Variants in CCNB3 observed in about 807,000 individuals in gnomAD.
CCNB3 encodes the protein cyclin B3.
CCNB3 carries 12 observed loss-of-function variants against 68.0 expected under a neutral mutation model. The ratio of observed to expected loss-of-function variants is 0.18; its 90% CI spans 0.11 to 0.29. CCNB3 has a LOEUF of 0.29. Ranked by LOEUF, CCNB3 falls within the 10% of genes least tolerant of loss-of-function variation. CCNB3 has a pLI of 1.00. For synonymous variants in CCNB3, 354 were observed against 388.9 expected, an observed-to-expected ratio of 0.91 and a Z score of 1.06; for missense variants, 904 against 993.1, an observed-to-expected ratio of 0.91 and a Z score of 1.21.
chrX:50,212,875 G>T (rs1312860612), intron 1 of CCNB3, among the ~76,000 whole-genome samples: 1 of 111,744 alleles, frequency 8.9e-6, no homozygotes, highest in African/African-American at 3.3e-5. Context: ...GCTCATTGGA[G>T]AATTAGTGGC....
intron 1 of CCNB3, among the ~76,000 whole-genome samples, chrX:50,222,959 C>A (rs1202679451): frequency 9.0e-6 from 1 of 110,721 alleles, no homozygotes; most frequent in Admixed American, 9.7e-5. Context: ...AGGCTTTGTT[C>A]GTTCCTTTTC....
intron 1 of CCNB3, among the ~76,000 whole-genome samples, chrX:50,279,889 T>G (rs1936078583): frequency 1.1e-5 from 1 of 86,984 alleles, no homozygotes; most frequent in African/African-American, 4.4e-5. Context: ...ATAGTATATA[T>G]AAATATATAG....
At chrX:50,346,837 C>G in intron 10 of CCNB3, 30 bp downstream of exon 10, 2 of 1,189,758 alleles carry the variant, frequency 1.7e-6, no homozygotes, top group Non-Finnish European at 2.3e-6. Context: ...TCTTCATTCT[C>G]CCACTGCTGA....
chrX:50,350,123 A>C (rs1297221902), intron 11 of CCNB3, among the ~76,000 whole-genome samples: 1 of 110,975 alleles, frequency 9.0e-6, no homozygotes, highest in Non-Finnish European at 1.9e-5. Context: ...CCTCAAGGGC[A>C]GGTCCCTCAT....
intron 9 of CCNB3, among the ~76,000 whole-genome samples, chrX:50,343,829 C>CAA (rs1314570303): frequency 8.9e-6 from 1 of 112,198 alleles, no homozygotes; most frequent in Non-Finnish European, 1.9e-5. Flanking sequence ...CAAAGTTTTA[C>CAA]AAAATAAAGT....
At chrX:50,221,004 G>A (rs915396199) in intron 1 of CCNB3, among the ~76,000 whole-genome samples, 5 of 111,329 alleles carry the variant, frequency 4.5e-5, no homozygotes, top group Non-Finnish European at 5.7e-5. Flanking sequence ...AGTCTTGGGA[G>A]GGTGTACGTG....
Position 50,204,936 on chromosome X carries a change from T to C in CCNB3, c.-127T>C, listed in dbSNP as rs1221690665. 9.0e-6 allele frequency: 1 copy of C among 111,486 alleles called. No individual in the cohort carries two copies. The highest frequency in any genetic ancestry group is 1.9e-5 in the Non-Finnish European group (1 of 53,190). 9.2% of individuals were successfully genotyped at this position (111,486 alleles called of 1,213,427 possible). ...CTAATAGCTTTTCTTCCAGTCCATT[T>C]GTGGCTTGTTAAAGGTACAACATGT... On this transcript the variant is annotated 5_prime_UTR_variant, in exon 1 of 13. Transcript: ENST00000376042.
chrX:50,311,934 G>T (rs954649615), intron 6 of CCNB3, among the ~76,000 whole-genome samples: 2 of 110,258 alleles, frequency 1.8e-5, no homozygotes, highest in African/African-American at 6.6e-5. Context: ...ATATACTTGG[G>T]CTTTGCAATA....
intron 8 of CCNB3, among the ~76,000 whole-genome samples, chrX:50,328,636 C>A (rs73495671): frequency 0.023 from 2,556 of 111,445 alleles, 65 homozygotes; most frequent in African/African-American, 0.08. Context: ...TCACCCCTGG[C>A]CCCTCAAATT....
chrX:50,226,978 GTA>G (rs1264724332), intron 1 of CCNB3, among the ~76,000 whole-genome samples: 5 of 58,969 alleles, frequency 8.5e-5, no homozygotes, highest in Admixed American at 2.6e-4. Flanking sequence ...AATATATATA[GTA>G]TATATATAGA....
At chrX:50,297,729 C>A (rs1936509381) in intron 5 of CCNB3, among the ~76,000 whole-genome samples, 1 of 111,403 alleles carries the variant, frequency 9.0e-6, no homozygotes, top group African/African-American at 3.3e-5. Flanking sequence ...GACAGTATGG[C>A]CATTTTCACA....
At chrX:50,216,925 A>G (rs1935581682) in intron 1 of CCNB3, among the ~76,000 whole-genome samples, 1 of 110,789 alleles carries the variant, frequency 9.0e-6, no homozygotes, top group Admixed American at 9.6e-5. Context: ...AGAGGTATAG[A>G]AACGTTTCCT....
upstream of CCNB3, among the ~76,000 whole-genome samples, chrX:50,203,211 T>C (rs1313012879): frequency 1.8e-5 from 2 of 112,165 alleles, no homozygotes; most frequent in East Asian, 5.6e-4. Context: ...ATCAATACTT[T>C]AAATACACTC....
At chrX:50,288,669 C>T (rs1936287518) in intron 3 of CCNB3, 111 bp from the exon 4 acceptor site, 3 of 470,369 alleles carry the variant, frequency 6.4e-6, no homozygotes, top group Non-Finnish European at 7.5e-6. Context: ...TTATATGCAT[C>T]CTCAGTTACT....
chrX:50,342,183 C>CGTGT lies in CCNB3; in HGVS notation c.3517-12_3517-9dup, dbSNP rs1569543498. The CGTGT allele has an allele frequency of 8.3e-7, 1 of 1,209,455 alleles. No individual in the cohort carries two copies. Among genetic ancestry groups the CGTGT allele is most frequent in the Admixed American group, 2.2e-5 (1 of 45,923 alleles). On this transcript the variant is annotated intron_variant, in intron 8 of 12. Transcript: ENST00000376042. ...AGCTGGACAATATGCAGATCTGTGT[C>CGTGT]GTGTGTGTGTTCCTCCAGGTGTCCT...
chrX:50,339,294 G>A (rs928183732), intron 8 of CCNB3, among the ~76,000 whole-genome samples: 20 of 112,044 alleles, frequency 1.8e-4, no homozygotes, highest in Non-Finnish European at 1.7e-4. Context: ...GGGACAACTC[G>A]AAGTGGGGAG....
chrX:50,326,805 G>T (rs573204772), intron 8 of CCNB3, among the ~76,000 whole-genome samples: 1 of 111,125 alleles, frequency 9.0e-6, no homozygotes, highest in South Asian at 3.8e-4. Context: ...GATTCTTCAG[G>T]ATTTTTCTCC....
intron 1 of CCNB3, among the ~76,000 whole-genome samples, chrX:50,208,141 G>T (rs1557205811): frequency 8.9e-6 from 1 of 111,908 alleles, no homozygotes; most frequent in Non-Finnish European, 1.9e-5. Context: ...TTTTATTGGG[G>T]GCTGGTGATA....
At chrX:50,302,035 C>T (rs1936652358) in intron 5 of CCNB3, among the ~76,000 whole-genome samples, 1 of 112,498 alleles carries the variant, frequency 8.9e-6, no homozygotes, top group Non-Finnish European at 1.9e-5. Context: ...CATCTGTCAC[C>T]CCTTTCTTTG....
Sources: allele counts gnomAD v4.1 joint callset (sites outside exome capture counted in the v4.1 genomes callset), GRCh38; gene constraint gnomAD v4.1.1; transcripts MANE v1.5; gene names NCBI Gene and HGNC (gene_info 2026-07-23, HGNC 2026-07-21).